Variants in PIEZO2 observed in about 807,000 individuals in gnomAD.
The protein encoded by PIEZO2 is piezo-type mechanosensitive ion channel component 2.
Under a neutral mutation model 337.3 loss-of-function variants are expected in PIEZO2, and 172 were observed. The ratio of observed to expected loss-of-function variants is 0.51; its 90% CI spans 0.45 to 0.58. The LOEUF (loss-of-function observed/expected upper bound fraction) is 0.58, where lower values mean the gene tolerates loss of function less well. Ranked by LOEUF, PIEZO2 falls within the 20% of genes least tolerant of loss-of-function variation. The pLI is 0.00. For synonymous variants in PIEZO2, 1,251 were observed against 1,228.5 expected (o/e 1.02, Z -0.38); for missense variants, 3,028 against 3,391.3 (o/e 0.89, Z 2.66).
rs1193304499 is a variant in PIEZO2, at chr18:10,862,538, T to C, written c.493-5327A>G. On this transcript the variant is annotated intron_variant, in intron 5 of 55. Transcript: ENST00000674853. This position sits in a 1 kb window ranked among gnomAD's most constrained non-coding sequence, Gnocchi z 4.4. ...ATCCACCATGATTTCCACTCAATTT[T>C]GGACAAAGAAGACACAATAAATCAC... 1.3e-5 allele frequency among the ~76,000 whole-genome samples: 2 copies of C among 152,218 alleles called. No homozygotes were observed. The highest frequency in any genetic ancestry group is 2.9e-5 in the Non-Finnish European group (2 of 68,044).
In PIEZO2 at chr18:10,862,316, T is replaced by C. The variant is rs2144735327; in HGVS notation, c.493-5105A>G. Among the ~76,000 whole-genome samples the C allele has an allele frequency of 6.6e-6, 1 of 152,212 alleles. No individual in the cohort carries two copies. The highest frequency in any genetic ancestry group is 6.5e-5 in the Admixed American group (1 of 15,288). On this transcript the variant is annotated intron_variant, in intron 5 of 55. Transcript: ENST00000674853. The surrounding 1 kb of genome is among the most constrained non-coding windows in gnomAD (Gnocchi z 4.4). ...CATGTATTAGTGTAAGATCTCTCAT[T>C]TCACATAAGGAAACTTTAGGTGCTA...
In PIEZO2 at chr18:11,016,023, T is replaced by C. The variant is rs543477047; in HGVS notation, c.161-36363A>G. Among the ~76,000 whole-genome samples the C allele has an allele frequency of 1.1e-4, 17 of 152,332 alleles. No homozygotes were observed. The highest frequency in any genetic ancestry group is 5.9e-4 in the Admixed American group (9 of 15,300). ...CAATCCTGGTGACATTCTCCCCTTT[T>C]CCTTGTTCTCCCTTTTCACCCTGGC... On this transcript the variant is annotated intron_variant, in intron 2 of 55. Transcript: ENST00000674853. The surrounding 1 kb of genome is among the most constrained non-coding windows in gnomAD (Gnocchi z 5.6).
rs1429390088 is a variant in PIEZO2, at chr18:10,988,715, G to A, written c.161-9055C>T. On this transcript the variant is annotated intron_variant, in intron 2 of 55. Coordinates refer to ENST00000674853, the MANE Select transcript of PIEZO2 (RefSeq NM_001378183.1). The surrounding 1 kb of genome is among the most constrained non-coding windows in gnomAD (Gnocchi z 4.8). The stretch of plus-strand genomic sequence containing the variant: ...TGAAGGAATATTGGATAAGGAAATT[G>A]TGGCATATACATACATAGAATATTA... 2.0e-5 allele frequency among the ~76,000 whole-genome samples: 3 copies of A among 152,142 alleles called. No homozygotes were observed. The highest frequency in any genetic ancestry group is 4.4e-5 in the Non-Finnish European group (3 of 68,024).
intron 49 of PIEZO2, among the ~76,000 whole-genome samples, chr18:10,687,256 G>A (rs1406500064): frequency 6.6e-6 from 1 of 151,348 alleles, no homozygotes; most frequent in Non-Finnish European, 1.5e-5. Context: ...GTGTCCATTA[G>A]CCATTCTTCC....
chr18:11,078,481 G>A lies in PIEZO2; in HGVS notation c.65-12259C>T, dbSNP rs2038628155. Among the ~76,000 whole-genome samples the A allele has an allele frequency of 6.6e-6, 1 of 152,154 alleles. No homozygotes were observed. The highest frequency in any genetic ancestry group is 2.4e-5 in the African/African-American group (1 of 41,446). The stretch of plus-strand genomic sequence containing the variant: ...TTAACAACTAATACAGCCGTAAATT[G>A]ATTAAAATTACTGTTTTATCTTGAT... On this transcript the variant is annotated intron_variant, in intron 1 of 55. Coordinates refer to ENST00000674853, the MANE Select transcript of PIEZO2 (RefSeq NM_001378183.1). This position sits in a 1 kb window ranked among gnomAD's most constrained non-coding sequence, Gnocchi z 5.3.
intron 13 of PIEZO2, among the ~76,000 whole-genome samples, chr18:10,792,645 T>C (rs1041241662): frequency 6.6e-6 from 1 of 152,250 alleles, no homozygotes; most frequent in African/African-American, 2.4e-5. Context: ...CTCCATTGTA[T>C]GGCCATGCAA....
rs2034324507 is a variant in PIEZO2, at chr18:10,973,526, A to G, written c.286+6009T>C. Among the ~76,000 whole-genome samples, 3 of 152,246 alleles carry G rather than the reference A, an allele frequency of 2.0e-5. No individual in the cohort carries two copies. On this transcript the variant is annotated intron_variant, in intron 3 of 55. Transcript: ENST00000674853. The surrounding 1 kb of genome is among the most constrained non-coding windows in gnomAD (Gnocchi z 4.9). ...ATCAGAAGGTATATATATGATCCAC[A>G]TACTTTTCAGATAAATTAGACAATG...
At position 11,116,311 on chromosome 18, in the gene PIEZO2, A is replaced by C. The variant is rs1437811224; in HGVS notation, c.64+32214T>G. Among the ~76,000 whole-genome samples the C allele has an allele frequency of 1.3e-5, 2 of 152,188 alleles. No individual in the cohort carries two copies. Among genetic ancestry groups the C allele is most frequent in the Non-Finnish European group, 2.9e-5 (2 of 68,038 alleles). On this transcript the variant is annotated intron_variant, in intron 1 of 55. Coordinates refer to ENST00000674853, the MANE Select transcript of PIEZO2 (RefSeq NM_001378183.1). This position sits in a 1 kb window ranked among gnomAD's most constrained non-coding sequence, Gnocchi z 5.0. Reference sequence around the variant, plus strand: ...GAAGGGCAGAGTTTCTCTGAGCCCCAAAACCACTAATAGAATATGTGCAAG... The same window carrying C: ...GAAGGGCAGAGTTTCTCTGAGCCCCCAAACCACTAATAGAATATGTGCAAG...
chr18:10,846,007 C>T lies in PIEZO2; in HGVS notation c.917+9346G>A, dbSNP rs1003206212. 2.0e-5 allele frequency among the ~76,000 whole-genome samples: 3 copies of T among 152,054 alleles called. No homozygotes were observed. The highest frequency in any genetic ancestry group is 4.8e-5 in the African/African-American group (2 of 41,368). Reference sequence around the variant, plus strand: ...GGATGGATTGAGGCAGTGGGAGTGCCGTGGGTGTATGAAGATTGATGATGA... The same window carrying T: ...GGATGGATTGAGGCAGTGGGAGTGCTGTGGGTGTATGAAGATTGATGATGA... On this transcript the variant is annotated intron_variant, in intron 7 of 55. Coordinates refer to ENST00000674853, the MANE Select transcript of PIEZO2 (RefSeq NM_001378183.1). This position sits in a 1 kb window ranked among gnomAD's most constrained non-coding sequence, Gnocchi z 4.1.
chr18:11,060,836 G>A (rs2037925389), intron 2 of PIEZO2, among the ~76,000 whole-genome samples: 1 of 150,480 alleles, frequency 6.6e-6, no homozygotes, highest in East Asian at 2.0e-4. Context: ...GTACAAGGAG[G>A]AGCTGGTACC....
chr18:11,138,898 G>A (rs775752300), intron 1 of PIEZO2, among the ~76,000 whole-genome samples: 9 of 152,108 alleles, frequency 5.9e-5, no homozygotes, highest in Non-Finnish European at 1.2e-4. Context: ...GGGAGAAGAC[G>A]GCAAAGACAA....
rs1340635209 is a variant in PIEZO2, at chr18:10,813,909, G to A, written c.918-6635C>T. Among the ~76,000 whole-genome samples, 1 of 151,900 alleles carries A rather than the reference G, an allele frequency of 6.6e-6. No homozygotes were observed. The highest frequency in any genetic ancestry group is 1.5e-5 in the Non-Finnish European group (1 of 67,996). ...TCCAGTTTCCCTATAGCCTTGCCAA[G>A]TCTTGTTATTTTATGCTTTTCAGAG... On this transcript the variant is annotated intron_variant, in intron 7 of 55. Transcript: ENST00000674853. This position sits in a 1 kb window ranked among gnomAD's most constrained non-coding sequence, Gnocchi z 4.2.
At chr18:10,889,378 T>C (rs541922726) in intron 4 of PIEZO2, among the ~76,000 whole-genome samples, 8 of 152,376 alleles carry the variant, frequency 5.3e-5, no homozygotes, top group Non-Finnish European at 8.8e-5. Context: ...TGGATTTTGA[T>C]AATGAATTAT....
intron 9 of PIEZO2, among the ~76,000 whole-genome samples, chr18:10,802,216 A>G (rs1459895893): frequency 6.6e-6 from 1 of 152,118 alleles, no homozygotes; most frequent in Non-Finnish European, 1.5e-5. Flanking sequence ...TTTAACTAGT[A>G]ATACATTACT....
At chr18:11,045,295 C>CAAAAAAAAAA (rs58924653) in intron 2 of PIEZO2, among the ~76,000 whole-genome samples, 12 of 52,346 alleles carry the variant, frequency 2.3e-4, no homozygotes, top group South Asian at 9.9e-4. Context: ...GACTCCGTCT[C>CAAAAAAAAAA]AAAAAAAAAA....
At chr18:10,751,338 G>A (rs1196758223) in intron 28 of PIEZO2, among the ~76,000 whole-genome samples, 1 of 152,172 alleles carries the variant, frequency 6.6e-6, no homozygotes, top group African/African-American at 2.4e-5. Flanking sequence ...TGTGAAATCA[G>A]CCTCTGGCAA....
At chr18:10,996,273 T>C (rs1310350225) in intron 2 of PIEZO2, among the ~76,000 whole-genome samples, 1 of 152,234 alleles carries the variant, frequency 6.6e-6, no homozygotes, top group East Asian at 1.9e-4. Flanking sequence ...TGTTTATGTA[T>C]GTGCTATAAA....
chr18:11,001,560 A>T lies in PIEZO2; in HGVS notation c.161-21900T>A, dbSNP rs1246805594. On this transcript the variant is annotated intron_variant, in intron 2 of 55. Coordinates refer to ENST00000674853, the MANE Select transcript of PIEZO2 (RefSeq NM_001378183.1). This position sits in a 1 kb window ranked among gnomAD's most constrained non-coding sequence, Gnocchi z 5.3. ...TGTGTGTGCACATTTTCCAGAAATC[A>T]GAAGTAAGGATTTGCTCTTCTAAAA... 1.3e-5 allele frequency among the ~76,000 whole-genome samples: 2 copies of T among 152,100 alleles called. No homozygotes were observed. Among genetic ancestry groups the T allele is most frequent in the Admixed American group, 1.3e-4 (2 of 15,256 alleles).
rs566347250 is a variant in PIEZO2, at chr18:10,898,544, G to A, written c.329+12642C>T. Among the ~76,000 whole-genome samples, 4 of 152,360 alleles carry A rather than the reference G, an allele frequency of 2.6e-5. No homozygotes were observed. The East Asian group carries it at 7.7e-4, about 29-fold the overall frequency. ...AATTTGACTGAAAATGTGGGTGGGGGACGTCCTGAATATTAGGTTGGGGAG... is the reference window on the plus strand; with the variant it reads ...AATTTGACTGAAAATGTGGGTGGGGAACGTCCTGAATATTAGGTTGGGGAG... On this transcript the variant is annotated intron_variant, in intron 4 of 55. Coordinates refer to ENST00000674853, the MANE Select transcript of PIEZO2 (RefSeq NM_001378183.1).
Sources: gnomAD v4.1 joint callset for allele counts (sites outside exome capture counted in the v4.1 genomes callset) on GRCh38, gnomAD v4.1.1 for gene constraint, Gnocchi (gnomAD v3.1) non-coding constraint, MANE v1.5 for transcripts, NCBI Gene and HGNC (gene_info 2026-07-23, HGNC 2026-07-21) for gene names.